Variants in EVA1A observed in about 807,000 individuals in gnomAD.
EVA1A encodes the protein protein eva-1 homolog A.
A neutral mutation model predicts 9.8 loss-of-function variants in EVA1A; 7 were observed. The ratio of observed to expected loss-of-function variants is 0.71; its 90% CI spans 0.41 to 1.34. The LOEUF is 1.34. Among genes scored for constraint, EVA1A ranks in the 40% most tolerant of loss-of-function variants. The pLI is 0.01. For synonymous variants in EVA1A, 90 were observed against 85.6 expected, an observed-to-expected ratio of 1.05 and a Z score of -0.28; for missense variants, 206 against 205.9, an observed-to-expected ratio of 1.00 and a Z score of 0.00.
intron 1 of EVA1A, among the ~76,000 whole-genome samples, chr2:75,530,873 A>G (rs950765704): frequency 3.9e-5 from 6 of 152,166 alleles, no homozygotes; most frequent in Admixed American, 2.0e-4. Context: ...CACCACTTCA[A>G]TTAAACATAG....
At chr2:75,515,446 T>C (rs1273126577) in intron 3 of EVA1A, among the ~76,000 whole-genome samples, 1 of 152,192 alleles carries the variant, frequency 6.6e-6, no homozygotes, top group Non-Finnish European at 1.5e-5. Context: ...GTTTGATAAC[T>C]TGTACAGAGT....
chr2:75,499,970 C>A (rs1373033723), intron 3 of EVA1A, among the ~76,000 whole-genome samples: 2 of 152,154 alleles, frequency 1.3e-5, no homozygotes, highest in Non-Finnish European at 2.9e-5. Context: ...TTTGTTCTTT[C>A]CTATATTGGA....
chr2:75,531,228 C>T (rs1675636665), intron 1 of EVA1A, among the ~76,000 whole-genome samples: 1 of 152,060 alleles, frequency 6.6e-6, no homozygotes, highest in Non-Finnish European at 1.5e-5. Flanking sequence ...GCAAGAATAG[C>T]CATAATTTAA....
rs917922 is a variant in EVA1A, at chr2:75,506,803, T to A, written c.85+11253A>T. 5.4e-3 allele frequency among the ~76,000 whole-genome samples: 826 copies of A among 151,972 alleles called. 5 individuals are homozygous for A. Among genetic ancestry groups the A allele is most frequent in the African/African-American group, 0.018 (735 of 41,418 alleles). ...TGAAGTGCTGGGGTGGGGCCCTGCC[T>A]CACAACCCTTGGGCCAAATAAGAAG... On this transcript the variant is annotated intron_variant, in intron 3 of 3. Coordinates refer to ENST00000393913, the MANE Select transcript of EVA1A (RefSeq NM_001135032.2).
At chr2:75,566,462 A>G (rs757477425) in intron 1 of EVA1A, among the ~76,000 whole-genome samples, 1 of 152,140 alleles carries the variant, frequency 6.6e-6, no homozygotes, top group Non-Finnish European at 1.5e-5. Flanking sequence ...TGGAACTAAG[A>G]CCTCTAGGGA....
At chr2:75,556,308 C>A (rs145962780) in intron 1 of EVA1A, among the ~76,000 whole-genome samples, 49 of 152,290 alleles carry the variant, frequency 3.2e-4, no homozygotes, top group African/African-American at 1.1e-3. Flanking sequence ...GAACTAGAGA[C>A]ACAAAGCAGG....
chr2:75,517,540 C>G (rs551500324), intron 3 of EVA1A, among the ~76,000 whole-genome samples: 1 of 152,216 alleles, frequency 6.6e-6, no homozygotes, highest in African/African-American at 2.4e-5. Flanking sequence ...TTTGAACCAA[C>G]GAAGGGACAA....
chr2:75,534,271 A>G (rs1675794819), intron 1 of EVA1A, among the ~76,000 whole-genome samples: 2 of 152,152 alleles, frequency 1.3e-5, no homozygotes, highest in Non-Finnish European at 2.9e-5. Context: ...AAAATGAAAA[A>G]TTAATGTATG....
At chr2:75,551,212 T>C (rs933256220) in intron 1 of EVA1A, among the ~76,000 whole-genome samples, 4 of 152,232 alleles carry the variant, frequency 2.6e-5, no homozygotes, top group African/African-American at 9.6e-5. Context: ...TACCTCTAGC[T>C]GCTGTCTTTT....
chr2:75,530,851 A>T (rs1203384784), intron 1 of EVA1A, among the ~76,000 whole-genome samples: 1 of 152,138 alleles, frequency 6.6e-6, no homozygotes, highest in Non-Finnish European at 1.5e-5. Context: ...ACAAGACAAA[A>T]ATGCCCACTT....
intron 1 of EVA1A, among the ~76,000 whole-genome samples, chr2:75,551,440 C>A (rs969310474): frequency 5.3e-5 from 8 of 152,186 alleles, no homozygotes; most frequent in Non-Finnish European, 2.9e-5. Context: ...CTGTTGATCC[C>A]CCTCTCCTGG....
intron 1 of EVA1A, among the ~76,000 whole-genome samples, chr2:75,539,289 T>C (rs998989277): frequency 2.0e-5 from 3 of 152,184 alleles, no homozygotes; most frequent in Admixed American, 6.5e-5. Context: ...TATGAAGTGA[T>C]TATACACAAG....
upstream of EVA1A, among the ~76,000 whole-genome samples, chr2:75,565,157 T>C (rs1677001958): frequency 1.3e-5 from 2 of 152,228 alleles, no homozygotes; most frequent in African/African-American, 4.8e-5. Flanking sequence ...CACAGAGAAC[T>C]GTCCTAGACA....
intron 3 of EVA1A, among the ~76,000 whole-genome samples, chr2:75,505,945 T>C (rs1222242651): frequency 6.6e-6 from 1 of 152,218 alleles, no homozygotes; most frequent in African/African-American, 2.4e-5. Context: ...CACATACTTA[T>C]TCACATTTAC....
At chr2:75,498,499 CA>C (rs1156831458) in intron 3 of EVA1A, among the ~76,000 whole-genome samples, 1 of 151,936 alleles carries the variant, frequency 6.6e-6, no homozygotes, top group African/African-American at 2.4e-5. Context: ...AAAAAAACCC[CA>C]AAAAACAGAA....
chr2:75,504,269 G>A (rs1421956206), intron 3 of EVA1A, among the ~76,000 whole-genome samples: 1 of 152,010 alleles, frequency 6.6e-6, no homozygotes, highest in Non-Finnish European at 1.5e-5. Flanking sequence ...AAATTAGCTG[G>A]GCGTGGTGGT....
At chr2:75,563,082 T>C (rs571677862), upstream of EVA1A, among the ~76,000 whole-genome samples, 6 of 152,362 alleles carry the variant, frequency 3.9e-5, no homozygotes, top group East Asian at 9.6e-4. Flanking sequence ...CTAATATGTG[T>C]TGGTACTTAG....
At chr2:75,503,504 TCAGATCATGC>T (rs1270273655) in intron 3 of EVA1A, among the ~76,000 whole-genome samples, 1 of 152,106 alleles carries the variant, frequency 6.6e-6, no homozygotes, top group African/African-American at 2.4e-5. Context: ...CCCTCAGAGG[TCAGATCATGC>T]CCAACAGACT....
chr2:75,537,362 T>C (rs1207936246), intron 1 of EVA1A, among the ~76,000 whole-genome samples: 2 of 152,218 alleles, frequency 1.3e-5, no homozygotes, highest in African/African-American at 2.4e-5. Flanking sequence ...ACATTATACT[T>C]CATCATGAAA....
Sources: allele counts gnomAD v4.1 joint callset (sites outside exome capture counted in the v4.1 genomes callset), GRCh38; gene constraint gnomAD v4.1.1; transcripts MANE v1.5; gene names NCBI Gene and HGNC (gene_info 2026-07-23, HGNC 2026-07-21).